UBE2V2: variants seen among roughly 807,000 people sequenced by gnomAD.
UBE2V2 encodes the protein ubiquitin conjugating enzyme E2 V2, also known as ubiquitin-conjugating enzyme E2 variant 2.
Under a neutral mutation model 17.2 loss-of-function variants are expected in UBE2V2, and 9 were observed. The ratio of observed to expected loss-of-function variants is 0.52; its 90% CI spans 0.32 to 0.91. UBE2V2 has a LOEUF of 0.91. Ranked by LOEUF, UBE2V2 falls within the 40% of genes least tolerant of loss-of-function variation. The probability of loss-of-function intolerance (pLI) is 0.04; values close to 1 mark genes in which losing one functional copy is unlikely to be tolerated. For missense variants in UBE2V2, 133 were observed against 182.6 expected, an observed-to-expected ratio of 0.73 and a Z score of 1.56; for synonymous variants, 61 against 57.5, an observed-to-expected ratio of 1.06 and a Z score of -0.28.
chr8:48,012,395 G>T (rs2091238632), intron 1 of UBE2V2, among the ~76,000 whole-genome samples: 2 of 152,132 alleles, frequency 1.3e-5, no homozygotes, highest in Non-Finnish European at 2.9e-5. Context: ...TTAGATTCCA[G>T]CATTAATAAT....
At chr8:48,001,936 A>T in the UBE2V2 span, among the ~76,000 whole-genome samples, 1 of 152,154 alleles carries the variant, frequency 6.6e-6, no homozygotes, top group Non-Finnish European at 1.5e-5. Context: ...CTAAAAATAC[A>T]AAATGAGCCG....
intron 1 of UBE2V2, among the ~76,000 whole-genome samples, chr8:48,021,583 A>G (rs915790386): frequency 1.3e-5 from 2 of 151,302 alleles, no homozygotes; most frequent in East Asian, 3.9e-4. Flanking sequence ...TGGGATTACA[A>G]GCGTGAGCCA....
Position 48,008,477 on chromosome 8 carries a change from T to G in UBE2V2, c.16+7T>G. 1 of 1,567,332 alleles carries G rather than the reference T, an allele frequency of 6.4e-7. No homozygotes were observed. Among genetic ancestry groups the G allele is most frequent in the Non-Finnish European group, 8.6e-7 (1 of 1,158,750 alleles). On this transcript the variant is annotated splice_region_variant and intron_variant, in intron 1 of 3. Coordinates refer to ENST00000523111, the MANE Select transcript of UBE2V2 (RefSeq NM_003350.3). ...AAGATGGCGGTCTCCACAGGTCGGT[T>G]CCCGGGCCGGGCTGCGTGATTTTCC...
rs750131322 is a variant in UBE2V2, at chr8:48,063,359, CTT to C, written c.*2532_*2533del. 20 of 152,334 alleles carry C rather than the reference CTT, an allele frequency of 1.3e-4. No individual in the cohort carries two copies. The highest frequency in any genetic ancestry group is 2.4e-4 in the Non-Finnish European group (16 of 68,040). 9.4% of individuals were successfully genotyped at this position (152,334 alleles called of 1,614,324 possible). On this transcript the variant is annotated 3_prime_UTR_variant, in exon 4 of 4. Transcript: ENST00000523111. ...TAAGAGGAATTAATATAGAAAAGCTCTTAATTATAATAACATTTGGAAGAAAT... is the reference window on the plus strand; with the variant it reads ...TAAGAGGAATTAATATAGAAAAGCTCAATTATAATAACATTTGGAAGAAAT...
At chr8:48,002,987 G>A in the UBE2V2 span, among the ~76,000 whole-genome samples, 55 of 152,188 alleles carry the variant, frequency 3.6e-4, no homozygotes, top group African/African-American at 1.3e-3. Context: ...CGAAGAAGGC[G>A]AATCATGAGG....
At chr8:48,024,824 A>G (rs2091329113) in intron 1 of UBE2V2, among the ~76,000 whole-genome samples, 1 of 152,196 alleles carries the variant, frequency 6.6e-6, no homozygotes, top group Non-Finnish European at 1.5e-5. Flanking sequence ...ACAAAAATTT[A>G]GAAAAAGCGA....
At chr8:48,056,323 A>G (rs2091571463) in intron 3 of UBE2V2, among the ~76,000 whole-genome samples, 1 of 152,100 alleles carries the variant, frequency 6.6e-6, no homozygotes, top group Non-Finnish European at 1.5e-5. Context: ...TTTGTATACA[A>G]GTTTTTGAGT....
chr8:47,999,701 T>C, the UBE2V2 span, among the ~76,000 whole-genome samples: 1 of 152,184 alleles, frequency 6.6e-6, no homozygotes, highest in East Asian at 1.9e-4. Flanking sequence ...GGTACCAAGC[T>C]TCTTTACAAA....
intron 1 of UBE2V2, among the ~76,000 whole-genome samples, chr8:48,037,634 C>A (rs1006432464): frequency 2.6e-5 from 4 of 152,186 alleles, no homozygotes; most frequent in Admixed American, 2.6e-4. Context: ...CCCTGCTGAA[C>A]TTTAAGCTCC....
intron 3 of UBE2V2, among the ~76,000 whole-genome samples, chr8:48,058,040 G>A (rs539469466): frequency 1.3e-5 from 2 of 152,152 alleles, no homozygotes. Flanking sequence ...TGGAAGTGAT[G>A]AGAACGGGGC....
At chr8:48,029,829 T>A (rs1280573030) in intron 1 of UBE2V2, among the ~76,000 whole-genome samples, 1 of 152,232 alleles carries the variant, frequency 6.6e-6, no homozygotes, top group East Asian at 1.9e-4. Context: ...TTATTTTGCT[T>A]AATATGGCTT....
At chr8:48,028,412 C>G (rs933947852) in intron 1 of UBE2V2, among the ~76,000 whole-genome samples, 7 of 150,662 alleles carry the variant, frequency 4.6e-5, no homozygotes, top group African/African-American at 1.5e-4. Context: ...AATCTTGGCT[C>G]ACTGCAACCT....
chr8:48,008,819 TCCGGCACCGAAGATGGGTCAGGCCAA>T (rs753039831), intron 1 of UBE2V2, among the ~76,000 whole-genome samples: 51 of 152,074 alleles, frequency 3.4e-4, no homozygotes, highest in East Asian at 5.8e-4. Context: ...GGTGTCAACC[TCCGGCACCGAAGATGGGTCAGGCCAA>T]CCGGCACCGA....
At chr8:48,058,575 CAAAAA>C (rs571959848) in intron 3 of UBE2V2, among the ~76,000 whole-genome samples, 1 of 59,020 alleles carries the variant, frequency 1.7e-5, no homozygotes. Flanking sequence ...GACCCTGTCT[CAAAAA>C]AAAAAAAAAA....
intron 3 of UBE2V2, among the ~76,000 whole-genome samples, chr8:48,051,425 G>C (rs2091537422): frequency 6.6e-6 from 1 of 152,052 alleles, no homozygotes; most frequent in Admixed American, 6.6e-5. Flanking sequence ...CTCTCTACCA[G>C]TGTATTTTGT....
At chr8:48,041,178 T>G (rs924702582) in intron 1 of UBE2V2, among the ~76,000 whole-genome samples, 2 of 145,880 alleles carry the variant, frequency 1.4e-5, no homozygotes, top group African/African-American at 2.5e-5. Flanking sequence ...TTGTTGTTTT[T>G]TTTTTTTTTT....
intron 1 of UBE2V2, among the ~76,000 whole-genome samples, chr8:48,019,339 G>A (rs746080702): frequency 1.3e-5 from 2 of 152,108 alleles, no homozygotes; most frequent in Non-Finnish European, 2.9e-5. Flanking sequence ...ACTCCAGCCT[G>A]GGTGACAGAA....
At position 48,012,516 on chromosome 8, in the gene UBE2V2, T is replaced by C. The variant is rs920109663; in HGVS notation, c.16+4046T>C. On this transcript the variant is annotated intron_variant, in intron 1 of 3. Transcript: ENST00000523111. ...GGCGGATTACCTGAGGTCGGGAGGTTGAGACCAGCTGGACCAACATGGAGA... is the reference window on the plus strand; with the variant it reads ...GGCGGATTACCTGAGGTCGGGAGGTCGAGACCAGCTGGACCAACATGGAGA... Among the ~76,000 whole-genome samples, 18 of 152,150 alleles carry C rather than the reference T, an allele frequency of 1.2e-4. No homozygotes were observed. The East Asian group carries it at 1.6e-3, about 13-fold the overall frequency.
intron 1 of UBE2V2, chr8:48,034,890 TG>T: frequency 3.8e-6 from 1 of 263,356 alleles, no homozygotes. Context: ...TTGCATCAGC[TG>T]GTGAAGGGAT....
Sources: gnomAD v4.1 joint callset for allele counts (sites outside exome capture counted in the v4.1 genomes callset) on GRCh38, gnomAD v4.1.1 for gene constraint, MANE v1.5 for transcripts, NCBI Gene and HGNC (gene_info 2026-07-23, HGNC 2026-07-21) for gene names.